GABBR2: variants seen among roughly 807,000 people sequenced by gnomAD.
The protein encoded by GABBR2 is G-protein coupled receptor 51.
GABBR2 carries 23 observed loss-of-function variants against 105.6 expected under a neutral mutation model. That is an observed-to-expected ratio of 0.22 (90% CI 0.16 to 0.31). The LOEUF (loss-of-function observed/expected upper bound fraction) is 0.31. Ranked by LOEUF, GABBR2 falls within the 10% of genes least tolerant of loss-of-function variation. The pLI is 1.00. For missense variants in GABBR2, 734 were observed against 1,245.5 expected (o/e 0.59, Z 6.18); for synonymous variants, 478 against 499.7 (o/e 0.96, Z 0.58).
intron 9 of GABBR2, among the ~76,000 whole-genome samples, chr9:98,391,170 C>T (rs959196647): frequency 1.3e-5 from 2 of 152,172 alleles, no homozygotes; most frequent in African/African-American, 4.8e-5. Context: ...GAAAAATACA[C>T]TGTCCCTGCC....
At chr9:98,481,977 C>G (rs2808558) in intron 4 of GABBR2, among the ~76,000 whole-genome samples, 147,483 of 152,244 alleles carry the variant, frequency 0.97, 71,469 homozygotes, top group Middle Eastern at 1. Context: ...GATCCAGCTG[C>G]GTCCTGTCCC....
chr9:98,414,600 G>A (rs1832653795), intron 7 of GABBR2, among the ~76,000 whole-genome samples: 1 of 152,146 alleles, frequency 6.6e-6, no homozygotes, highest in African/African-American at 2.4e-5. Context: ...AGTTATCAAA[G>A]GTTAGAACAA....
chr9:98,397,262 C>G (rs1832310441), intron 8 of GABBR2, among the ~76,000 whole-genome samples: 1 of 152,186 alleles, frequency 6.6e-6, no homozygotes, highest in Non-Finnish European at 1.5e-5. Flanking sequence ...TTCCCGTGTC[C>G]TCAAGCCAGG....
chr9:98,328,417 G>A (rs182532652), intron 13 of GABBR2, among the ~76,000 whole-genome samples: 9 of 152,348 alleles, frequency 5.9e-5, no homozygotes, highest in Non-Finnish European at 5.9e-5. Flanking sequence ...TGAAAGCCAT[G>A]TGTTTACCGA....
chr9:98,675,758 C>A (rs1830469152), intron 1 of GABBR2, among the ~76,000 whole-genome samples: 1 of 152,132 alleles, frequency 6.6e-6, no homozygotes. Context: ...CACTGGATAT[C>A]CGCCACCTTT....
chr9:98,466,037 C>A (rs1034863401), intron 6 of GABBR2, among the ~76,000 whole-genome samples: 1 of 152,218 alleles, frequency 6.6e-6, no homozygotes, highest in South Asian at 2.1e-4. Flanking sequence ...TCCCCCTTTG[C>A]TCTCTTCCTC....
chr9:98,392,370 T>C (rs1005814231), intron 9 of GABBR2, among the ~76,000 whole-genome samples: 2 of 152,370 alleles, frequency 1.3e-5, no homozygotes, highest in East Asian at 1.9e-4. Flanking sequence ...CCCAGTCCGA[T>C]AGCAGACATG....
chr9:98,574,961 C>T (rs1308256495), intron 2 of GABBR2, among the ~76,000 whole-genome samples: 3 of 152,194 alleles, frequency 2.0e-5, no homozygotes, highest in Non-Finnish European at 2.9e-5. Context: ...CTCCATCCCT[C>T]TGATCATTGA....
In GABBR2 at chr9:98,299,219, C is replaced by G; in HGVS notation, c.2542+5G>C. On this transcript the variant is annotated splice_donor_5th_base_variant and intron_variant, in intron 17 of 18. Transcript: ENST00000259455. ...TACCACATTCTGGGGCCCTGGCTCT[C>G]TTACCTGTGCTCTCAGTGAAGTTTC... The G allele has an allele frequency of 6.2e-7, 1 of 1,613,684 alleles. No homozygotes were observed. Among genetic ancestry groups the G allele is most frequent in the Non-Finnish European group, 8.5e-7 (1 of 1,179,726 alleles).
chr9:98,455,703 G>A (rs1339866754), intron 6 of GABBR2, among the ~76,000 whole-genome samples: 1 of 152,234 alleles, frequency 6.6e-6, no homozygotes, highest in East Asian at 1.9e-4. Flanking sequence ...TTTTAAGGAA[G>A]GTGGTGGAGC....
chr9:98,459,223 C>A (rs891866116), intron 6 of GABBR2, among the ~76,000 whole-genome samples: 2 of 152,036 alleles, frequency 1.3e-5, no homozygotes, highest in African/African-American at 4.8e-5. Flanking sequence ...ATGATGAAAT[C>A]GCTTATATCA....
rs1244438270 is a variant in GABBR2 at position 98,316,652 on chromosome 9, T to G, written c.1894-5447A>C. Among the ~76,000 whole-genome samples the G allele has an allele frequency of 5.3e-5, 8 of 152,256 alleles. No individual in the cohort carries two copies. The East Asian group carries it at 1.3e-3, about 26-fold the overall frequency. On this transcript the variant is annotated intron_variant, in intron 13 of 18. Coordinates refer to ENST00000259455, the MANE Select transcript of GABBR2 (RefSeq NM_005458.8). Reference sequence around the variant, plus strand: ...TCCAGTAAGACCAGGACAGTTCCCATGAGAGGCAGCCTCAGAGAGAGAGGG... The same window carrying G: ...TCCAGTAAGACCAGGACAGTTCCCAGGAGAGGCAGCCTCAGAGAGAGAGGG...
intron 17 of GABBR2, among the ~76,000 whole-genome samples, chr9:98,295,528 G>T (rs79011349): frequency 2.1e-5 from 3 of 144,986 alleles, no homozygotes; most frequent in African/African-American, 8.1e-5. Context: ...TATATTAAAT[G>T]AGATGTCTTT....
At chr9:98,374,737 A>G (rs1029084865) in intron 11 of GABBR2, among the ~76,000 whole-genome samples, 10 of 152,136 alleles carry the variant, frequency 6.6e-5, no homozygotes, top group Non-Finnish European at 2.9e-5. Context: ...CTCCGCTGTG[A>G]TAGGGCTATC....
chr9:98,680,768 A>T (rs1226496891), intron 1 of GABBR2, among the ~76,000 whole-genome samples: 1 of 152,210 alleles, frequency 6.6e-6, no homozygotes, highest in Non-Finnish European at 1.5e-5. Context: ...AAGGTGACTT[A>T]AATACCGGGA....
intron 2 of GABBR2, among the ~76,000 whole-genome samples, chr9:98,557,840 A>G (rs1189902079): frequency 6.6e-6 from 1 of 152,258 alleles, no homozygotes; most frequent in Non-Finnish European, 1.5e-5. Flanking sequence ...TAATTAAGTT[A>G]ATAATACAAG....
chr9:98,392,876 C>G lies in GABBR2; in HGVS notation c.1378+1299G>C, dbSNP rs1832207263. ...ATCTATCCACTACCCATTCATCCAT[C>G]CATCCACTTGATCAATTCATCCATC... On this transcript the variant is annotated intron_variant, in intron 9 of 18. Transcript: ENST00000259455. Among the ~76,000 whole-genome samples, 4 of 151,976 alleles carry G rather than the reference C, an allele frequency of 2.6e-5. No homozygotes were observed. In the South Asian group the frequency reaches 8.3e-4, roughly 32 times the overall value.
intron 6 of GABBR2, among the ~76,000 whole-genome samples, chr9:98,463,825 G>A (rs1042874603): frequency 1.3e-5 from 2 of 152,160 alleles, no homozygotes; most frequent in South Asian, 2.1e-4. Flanking sequence ...TGGTGGAGAC[G>A]GGGTTTCGCT....
At chr9:98,619,187 G>C (rs1018104957) in intron 1 of GABBR2, among the ~76,000 whole-genome samples, 1 of 151,880 alleles carries the variant, frequency 6.6e-6, no homozygotes, top group Non-Finnish European at 1.5e-5. Context: ...AATAAAAATA[G>C]ACAAACCCAA....
Sources: allele counts gnomAD v4.1 joint callset (sites outside exome capture counted in the v4.1 genomes callset), GRCh38; gene constraint gnomAD v4.1.1; transcripts MANE v1.5; gene names NCBI Gene and HGNC (gene_info 2026-07-23, HGNC 2026-07-21).